VAV3: variants seen among roughly 807,000 people sequenced by gnomAD.
The protein encoded by VAV3 is guanine nucleotide exchange factor VAV3.
In VAV3, 94 loss-of-function variants were observed where a neutral mutation model predicts 131.2. The observed-to-expected ratio is 0.72, with a 90% CI of 0.61 to 0.85. VAV3 has a LOEUF of 0.85. VAV3 is among the 40% of genes least tolerant of loss of function. VAV3 has a pLI of 0.00. For synonymous variants in VAV3, 349 were observed against 342.0 expected, an observed-to-expected ratio of 1.02 and a Z score of -0.22; for missense variants, 939 against 1,002.7, an observed-to-expected ratio of 0.94 and a Z score of 0.86.
In VAV3 at chr1:107,622,642, C is replaced by T. The variant is rs913399262; in HGVS notation, c.1915-5010G>A. ...GGACAGATTAATGGTTATTTATGAA[C>T]GATTGGAAATTCTCCCAAGTTACAA... On this transcript the variant is annotated intron_variant, in intron 20 of 26. Transcript: ENST00000370056. 2.0e-5 allele frequency among the ~76,000 whole-genome samples: 3 copies of T among 152,124 alleles called. No individual in the cohort carries two copies. In the South Asian group the frequency reaches 6.2e-4, roughly 32 times the overall value.
At chr1:107,638,767 G>A (rs1655118108) in intron 20 of VAV3, among the ~76,000 whole-genome samples, 1 of 152,096 alleles carries the variant, frequency 6.6e-6, no homozygotes, top group Non-Finnish European at 1.5e-5. Flanking sequence ...AACATTGTCT[G>A]ACTTCAGGAC....
chr1:107,750,495 G>A (rs181107793), intron 13 of VAV3, among the ~76,000 whole-genome samples: 4 of 152,142 alleles, frequency 2.6e-5, no homozygotes, highest in African/African-American at 9.6e-5. Context: ...CACTTTTAAC[G>A]TCTATTTCTC....
At chr1:107,884,001 T>A (rs573411446) in intron 1 of VAV3, among the ~76,000 whole-genome samples, 66 of 152,140 alleles carry the variant, frequency 4.3e-4, no homozygotes, top group Non-Finnish European at 8.4e-4. Flanking sequence ...TTAGCCTGGA[T>A]CATCTATTTT....
chr1:107,942,899 G>A (rs975008499), intron 1 of VAV3, among the ~76,000 whole-genome samples: 22 of 152,164 alleles, frequency 1.4e-4, no homozygotes, highest in African/African-American at 5.3e-4. Context: ...TACAGCTACA[G>A]TTCCATGACC....
intron 2 of VAV3, among the ~76,000 whole-genome samples, chr1:107,870,663 T>TTC (rs142742403): frequency 2.0e-5 from 3 of 151,706 alleles, no homozygotes; most frequent in Admixed American, 6.6e-5. Context: ...ATACAACTCT[T>TTC]TCTCTCTCTC....
At chr1:107,892,636 C>T (rs891665211) in intron 1 of VAV3, among the ~76,000 whole-genome samples, 4 of 151,486 alleles carry the variant, frequency 2.6e-5, no homozygotes, top group East Asian at 1.9e-4. Flanking sequence ...ATGATGTGGA[C>T]TCCTCTCTAT....
At chr1:107,757,987 T>A (rs1403822017) in intron 10 of VAV3, among the ~76,000 whole-genome samples, 1 of 152,180 alleles carries the variant, frequency 6.6e-6, no homozygotes, top group Admixed American at 6.5e-5. Flanking sequence ...CCCGGACTCA[T>A]CCGTCCAACT....
intron 19 of VAV3, among the ~76,000 whole-genome samples, chr1:107,646,110 T>C (rs984572505): frequency 5.3e-4 from 80 of 152,158 alleles, no homozygotes; most frequent in African/African-American, 1.9e-3. Flanking sequence ...AAACTCCATA[T>C]TTTCCCTTGG....
At chr1:107,634,770 T>C (rs1654780721) in intron 20 of VAV3, among the ~76,000 whole-genome samples, 3 of 150,926 alleles carry the variant, frequency 2.0e-5, no homozygotes, top group Admixed American at 2.0e-4. Context: ...TCAAACAAAT[T>C]TACAAGAAAA....
chr1:107,964,846 C>A lies in VAV3; in HGVS notation c.24G>T (p.Ala8=), dbSNP rs780708007. 1.2e-6 allele frequency: 2 copies of A among 1,609,386 alleles called. No individual in the cohort carries two copies. Among genetic ancestry groups the A allele is most frequent in the Non-Finnish European group, 1.7e-6 (2 of 1,177,888 alleles). ...GCACCTTGCAATGGATGAGCCACTG[C>A]GCGCACTGCTTCCACGGCTCCATGC... MEPWKQC[A]QWLIHCKVLP... The change falls in exon 1 of 27, where the codon GCG becomes GCT. Residue 8 remains alanine, a synonymous_variant. Coordinates refer to ENST00000370056, the MANE Select transcript of VAV3 (RefSeq NM_006113.5).
rs114889360 is a variant in VAV3, at chr1:107,867,755, G to C, written c.321+7146C>G. ...GCCAGGCTGAGCCAGCTCTAGGCTGGAAGCTGGCTAATTTGTGGGAAAATT... is the reference window on the plus strand; with the variant it reads ...GCCAGGCTGAGCCAGCTCTAGGCTGCAAGCTGGCTAATTTGTGGGAAAATT... On this transcript the variant is annotated intron_variant, in intron 2 of 26. Coordinates refer to ENST00000370056, the MANE Select transcript of VAV3 (RefSeq NM_006113.5). 3.9e-3 allele frequency among the ~76,000 whole-genome samples: 596 copies of C among 152,278 alleles called. 2 individuals carry two copies. Among genetic ancestry groups the C allele is most frequent in the African/African-American group, 0.014 (567 of 41,570 alleles).
intron 1 of VAV3, among the ~76,000 whole-genome samples, chr1:107,911,811 C>T (rs1459734634): frequency 6.6e-6 from 1 of 152,208 alleles, no homozygotes; most frequent in East Asian, 1.9e-4. Context: ...TGTTTAAACA[C>T]TCTGACCCAC....
chr1:107,686,709 T>C (rs1453797693), intron 18 of VAV3, among the ~76,000 whole-genome samples: 3 of 152,156 alleles, frequency 2.0e-5, no homozygotes, highest in Admixed American at 1.3e-4. Flanking sequence ...AACAAGTCAC[T>C]AAAAAACTGA....
Position 107,897,571 on chromosome 1 carries a change from C to CT in VAV3, c.205-22555dup. Among the ~76,000 whole-genome samples the CT allele has an allele frequency of 2.0e-5, 3 of 152,166 alleles. No individual in the cohort carries two copies. The East Asian group carries it at 5.9e-4, about 30-fold the overall frequency. On this transcript the variant is annotated intron_variant, in intron 1 of 26. Transcript: ENST00000370056. The stretch of plus-strand genomic sequence containing the variant: ...CAGGGTCGCAGTTTAGTCAAGAAGG[C>CT]TTTAGCCTCCTCTGGGACTTCTAGT...
intron 1 of VAV3, among the ~76,000 whole-genome samples, chr1:107,893,605 T>G (rs1671420348): frequency 6.6e-6 from 1 of 152,026 alleles, no homozygotes; most frequent in South Asian, 2.1e-4. Context: ...AAACTCTCCT[T>G]TATAAAACCA....
chr1:107,588,946 C>A (rs1019124752), intron 25 of VAV3, among the ~76,000 whole-genome samples: 1 of 152,072 alleles, frequency 6.6e-6, no homozygotes, highest in Admixed American at 6.5e-5. Flanking sequence ...GAAGTGCAGT[C>A]TCTCAGAAAG....
chr1:107,779,453 C>T lies in VAV3; in HGVS notation c.361G>A (p.Ala121Thr), dbSNP rs1557841898. 3.1e-6 allele frequency: 5 copies of T among 1,591,750 alleles called. No individual in the cohort carries two copies. Among genetic ancestry groups the T allele is most frequent in the Non-Finnish European group, 4.3e-6 (5 of 1,168,652 alleles). Residue 121 changes from alanine to threonine, a missense_variant, in exon 3 of 27, where the codon GCA (alanine) becomes ACA (threonine). Transcript: ENST00000370056. ...TLSRLSRTPIALATGIRPFPT... is the reference protein window; with the variant it reads ...TLSRLSRTPITLATGIRPFPT... ...GCTTACCTGATTCCTGTGGCCAATG[C>T]TATAGGTGTTCGAGAAAGTCGTGAT...
chr1:107,613,844 G>A (rs541857872), intron 21 of VAV3, among the ~76,000 whole-genome samples: 3 of 152,128 alleles, frequency 2.0e-5, no homozygotes. Flanking sequence ...AATCAATGTG[G>A]AATAATTTTT....
chr1:107,835,491 G>A (rs899867376), intron 2 of VAV3, among the ~76,000 whole-genome samples: 3 of 152,178 alleles, frequency 2.0e-5, no homozygotes, highest in African/African-American at 7.2e-5. Flanking sequence ...GTGAGAGCTG[G>A]GCATGCCTCC....
Sources: gnomAD v4.1 joint callset for allele counts (sites outside exome capture counted in the v4.1 genomes callset) on GRCh38, gnomAD v4.1.1 for gene constraint, MANE v1.5 for transcripts, NCBI Gene and HGNC (gene_info 2026-07-23, HGNC 2026-07-21) for gene names.